Variants in SCLT1 observed in about 807,000 individuals in gnomAD.
SCLT1 encodes the protein sodium channel and clathrin linker 1, also known as sodium channel-associated protein 1.
Under a neutral mutation model 112.8 loss-of-function variants are expected in SCLT1, and 78 were observed. The ratio of observed to expected loss-of-function variants is 0.69; its 90% CI spans 0.58 to 0.83. The LOEUF (loss-of-function observed/expected upper bound fraction) is 0.83. SCLT1 is among the 40% of genes least tolerant of loss of function. The pLI is 0.00. For synonymous variants in SCLT1, 257 were observed against 254.7 expected, an observed-to-expected ratio of 1.01 and a Z score of -0.09; for missense variants, 747 against 770.4, an observed-to-expected ratio of 0.97 and a Z score of 0.36.
chr4:129,003,680 A>T, intron 6 of SCLT1, 61 bp downstream of exon 6: 1 of 1,267,918 alleles, frequency 7.9e-7, no homozygotes, highest in Non-Finnish European at 1.1e-6. Flanking sequence ...AATGATTAAC[A>T]TGAATTTTTA....
chr4:128,975,585 A>AC (rs1741099552), intron 9 of SCLT1, among the ~76,000 whole-genome samples: 1 of 152,192 alleles, frequency 6.6e-6, no homozygotes, highest in South Asian at 2.1e-4. Context: ...TTTTTTGCAT[A>AC]CAGTGAAAAA....
chr4:129,080,588 C>T (rs573453241), intron 2 of SCLT1, among the ~76,000 whole-genome samples: 27 of 152,286 alleles, frequency 1.8e-4, no homozygotes, highest in African/African-American at 4.3e-4. Context: ...CTTCACTATC[C>T]GTATCACTAT....
chr4:129,022,791 G>C (rs1377789854), intron 5 of SCLT1, among the ~76,000 whole-genome samples: 1 of 152,132 alleles, frequency 6.6e-6, no homozygotes, highest in Non-Finnish European at 1.5e-5. Flanking sequence ...AGGAAATGCG[G>C]AGAACACCAC....
chr4:129,018,227 C>T (rs1199340530), intron 5 of SCLT1, among the ~76,000 whole-genome samples: 2 of 152,232 alleles, frequency 1.3e-5, no homozygotes, highest in African/African-American at 4.8e-5. Context: ...ATTAGCAGAA[C>T]CAAACCCATA....
chr4:128,960,541 T>C (rs567106978), intron 11 of SCLT1, among the ~76,000 whole-genome samples: 1 of 152,316 alleles, frequency 6.6e-6, no homozygotes, highest in Admixed American at 6.5e-5. Context: ...TTGTAAGCCA[T>C]ATGGATTTTG....
At chr4:128,949,270 C>G (rs1680284039) in intron 14 of SCLT1, among the ~76,000 whole-genome samples, 1 of 139,654 alleles carries the variant, frequency 7.2e-6, no homozygotes, top group African/African-American at 2.7e-5. Context: ...GTTAATAGGA[C>G]AGTAATCAGT....
At chr4:128,930,119 T>C (rs10049875) in intron 18 of SCLT1, among the ~76,000 whole-genome samples, 107,223 of 151,658 alleles carry the variant, frequency 0.71, 37,997 homozygotes, top group African/African-American at 0.75. Context: ...GCAACTCACT[T>C]CTAATGAATA....
chr4:128,914,087 C>T (rs758113180), intron 18 of SCLT1, among the ~76,000 whole-genome samples: 18 of 152,076 alleles, frequency 1.2e-4, no homozygotes, highest in African/African-American at 2.9e-4. Context: ...GTAATATTGC[C>T]GGGCGCGGTG....
intron 20 of SCLT1, among the ~76,000 whole-genome samples, chr4:128,888,327 C>T (rs1365477231): frequency 6.6e-6 from 1 of 152,004 alleles, no homozygotes; most frequent in Non-Finnish European, 1.5e-5. Flanking sequence ...CGCCATCCTC[C>T]TGCCTCAGCC....
chr4:129,085,114 C>T (rs1298815996), intron 1 of SCLT1, among the ~76,000 whole-genome samples: 1 of 152,156 alleles, frequency 6.6e-6, no homozygotes, highest in Non-Finnish European at 1.5e-5. Context: ...TTTCTGCAAA[C>T]TGTGTATCTG....
At chr4:129,081,964 T>C (rs1751981928) in intron 2 of SCLT1, among the ~76,000 whole-genome samples, 1 of 152,210 alleles carries the variant, frequency 6.6e-6, no homozygotes, top group South Asian at 2.1e-4. Context: ...AAAAACCATA[T>C]ATTATTTACA....
At chr4:128,935,233 TA>T (rs1737089675) in intron 18 of SCLT1, among the ~76,000 whole-genome samples, 1 of 151,998 alleles carries the variant, frequency 6.6e-6, no homozygotes, top group Admixed American at 6.5e-5. Context: ...TCAACTTTTT[TA>T]CTTGTGGTGG....
intron 9 of SCLT1, chr4:128,971,483 T>C (rs980122918): frequency 7.2e-5 from 11 of 152,166 alleles, no homozygotes; most frequent in Non-Finnish European, 2.9e-5. Context: ...GTAAATGCTT[T>C]GCAGTCATCT....
chr4:128,931,111 G>A (rs904775342), intron 18 of SCLT1, among the ~76,000 whole-genome samples: 3 of 151,618 alleles, frequency 2.0e-5, no homozygotes, highest in African/African-American at 7.3e-5. Flanking sequence ...GGGAAGGAAG[G>A]ACTGAGTGGT....
intron 4 of SCLT1, 93 bp from the exon 5 acceptor site, chr4:129,039,189 C>G: frequency 1.4e-6 from 1 of 735,448 alleles, no homozygotes; most frequent in Middle Eastern, 2.3e-4. Flanking sequence ...GATTCTGACA[C>G]TAGTTTACAG....
intron 5 of SCLT1, among the ~76,000 whole-genome samples, chr4:129,027,093 T>A (rs1450508288): frequency 6.6e-6 from 1 of 152,080 alleles, no homozygotes; most frequent in African/African-American, 2.4e-5. Context: ...CAGGACCAGA[T>A]GGATTCACAG....
chr4:129,058,346 T>G (rs1579882290), intron 2 of SCLT1, among the ~76,000 whole-genome samples: 3 of 152,174 alleles, frequency 2.0e-5, no homozygotes, highest in Admixed American at 2.0e-4. Flanking sequence ...TTTTTTTTGA[T>G]GTAGGCATTT....
Position 128,945,635 on chromosome 4 carries a change from A to G in SCLT1, c.1439+372T>C, listed in dbSNP as rs544451536. On this transcript the variant is annotated intron_variant, in intron 16 of 20. Transcript: ENST00000281142. ...TTTATCATTTTATAGATAATAAAAT[A>G]TACAAGATGGATCATTATAGAATAT... Among the ~76,000 whole-genome samples the G allele has an allele frequency of 1.6e-4, 24 of 152,262 alleles. 1 individual carries two copies. The South Asian group carries it at 5.0e-3, about 32-fold the overall frequency.
At chr4:129,006,537 C>CAA (rs57162820) in intron 5 of SCLT1, among the ~76,000 whole-genome samples, 2,558 of 133,416 alleles carry the variant, frequency 0.019, 58 homozygotes, top group African/African-American at 0.046. Flanking sequence ...GACTCTGTCT[C>CAA]AAAAAAAAAA....
Sources: gnomAD v4.1 joint callset for allele counts (sites outside exome capture counted in the v4.1 genomes callset) on GRCh38, gnomAD v4.1.1 for gene constraint, MANE v1.5 for transcripts, NCBI Gene and HGNC (gene_info 2026-07-23, HGNC 2026-07-21) for gene names.